Variants in NTM observed in about 807,000 individuals in gnomAD.
The protein encoded by NTM is neurotrimin, also known as IgLON family member 2.
Under a neutral mutation model 42.1 loss-of-function variants are expected in NTM, and 13 were observed. That is an observed-to-expected ratio of 0.31 (90% CI 0.20 to 0.49). The LOEUF (loss-of-function observed/expected upper bound fraction) is 0.49, where lower values mean the gene tolerates loss of function less well. NTM is among the 20% of genes least tolerant of loss of function. The pLI, the probability that NTM is intolerant of heterozygous loss-of-function variation, is 0.99. For missense variants in NTM, 373 were observed against 452.8 expected (o/e 0.82, Z 1.60); for synonymous variants, 187 against 179.2 (o/e 1.04, Z -0.35).
intron 2 of NTM, among the ~76,000 whole-genome samples, chr11:132,145,213 T>C (rs1247695786): frequency 6.6e-6 from 1 of 152,226 alleles, no homozygotes; most frequent in Non-Finnish European, 1.5e-5. Context: ...TTCAGAACCC[T>C]AGTGTCCTGA....
intron 2 of NTM, among the ~76,000 whole-genome samples, chr11:132,071,815 T>C (rs534920686): frequency 6.6e-6 from 1 of 152,264 alleles, no homozygotes; most frequent in Admixed American, 6.5e-5. Flanking sequence ...CGTTGTATTA[T>C]AAATGTAACT....
chr11:131,421,885 G>T (rs1947572898), intron 1 of NTM, among the ~76,000 whole-genome samples: 1 of 152,154 alleles, frequency 6.6e-6, no homozygotes, highest in Non-Finnish European at 1.5e-5. Context: ...TTGCTAATAA[G>T]GGTTGTGCCT....
intron 4 of NTM, among the ~76,000 whole-genome samples, chr11:132,271,262 CT>C (rs1417244999): frequency 6.6e-6 from 1 of 152,198 alleles, no homozygotes; most frequent in East Asian, 1.9e-4. Flanking sequence ...TAATATTACA[CT>C]GTATGGATCC....
chr11:132,176,214 C>T (rs1044504095), intron 3 of NTM, among the ~76,000 whole-genome samples: 4 of 152,250 alleles, frequency 2.6e-5, no homozygotes, highest in Admixed American at 6.5e-5. Flanking sequence ...ACACACAGCT[C>T]CTCATTCCAG....
At chr11:132,032,126 A>G (rs1390374800) in intron 2 of NTM, among the ~76,000 whole-genome samples, 3 of 151,982 alleles carry the variant, frequency 2.0e-5, no homozygotes, top group African/African-American at 4.8e-5. Flanking sequence ...CCACCACTCC[A>G]TCCCTCCGCC....
intron 3 of NTM, among the ~76,000 whole-genome samples, chr11:132,201,318 G>C (rs2081122129): frequency 6.6e-6 from 1 of 152,146 alleles, no homozygotes; most frequent in African/African-American, 2.4e-5. Flanking sequence ...AATGGAGTCT[G>C]GTATATGATA....
chr11:131,499,143 C>T (rs138730995), intron 1 of NTM, among the ~76,000 whole-genome samples: 5 of 152,156 alleles, frequency 3.3e-5, no homozygotes, highest in South Asian at 2.1e-4. Flanking sequence ...GTCCATAATT[C>T]GATAGGAAAA....
intron 4 of NTM, among the ~76,000 whole-genome samples, chr11:132,302,587 A>C (rs928636022): frequency 6.6e-6 from 1 of 152,140 alleles, no homozygotes; most frequent in Non-Finnish European, 1.5e-5. Flanking sequence ...GAAGTTAGTC[A>C]ATAAGAAGTT....
At chr11:131,626,518 G>A (rs1229243657) in intron 1 of NTM, among the ~76,000 whole-genome samples, 1 of 152,184 alleles carries the variant, frequency 6.6e-6, no homozygotes, top group Non-Finnish European at 1.5e-5. Context: ...CTCAGTTGCA[G>A]GCAAAGGATT....
intron 1 of NTM, among the ~76,000 whole-genome samples, chr11:131,611,040 G>A (rs1189276080): frequency 6.6e-6 from 1 of 152,130 alleles, no homozygotes; most frequent in Non-Finnish European, 1.5e-5. Flanking sequence ...GGGGAACCTG[G>A]ACTGAGGTGT....
chr11:131,664,595 C>T (rs947406732), intron 1 of NTM, among the ~76,000 whole-genome samples: 5 of 152,148 alleles, frequency 3.3e-5, no homozygotes, highest in South Asian at 2.1e-4. Context: ...CAAATGAACA[C>T]GCGCCATACG....
chr11:131,547,172 C>G (rs765060861), intron 1 of NTM, among the ~76,000 whole-genome samples: 3 of 152,210 alleles, frequency 2.0e-5, no homozygotes, highest in Non-Finnish European at 4.4e-5. Context: ...TACTATGTCT[C>G]ATTCACTGGG....
intron 4 of NTM, among the ~76,000 whole-genome samples, chr11:132,246,893 C>T (rs2139312117): frequency 1.3e-5 from 2 of 152,334 alleles, no homozygotes; most frequent in East Asian, 1.9e-4. Context: ...CCTCTCTAGC[C>T]CCAGGCTCAT....
rs905326354 is a variant in NTM at position 131,911,167 on chromosome 11, G to A, written c.83-397G>A. On this transcript the variant is annotated intron_variant, in intron 1 of 8. Transcript: ENST00000683400. ...TGGGAAGAAGCGGCTCCTGAGACGC[G>A]CCCACACCTTTCACCTGCCGCGCGC... The A allele has an allele frequency of 1.9e-5, 25 of 1,320,068 alleles. No homozygotes were observed. The South Asian group carries it at 2.5e-4, about 13-fold the overall frequency. The allele number at this position is 1,320,068 out of a possible 1,614,324, so 81.8% of individuals were successfully genotyped here.
chr11:131,790,673 C>T (rs1041030496), intron 1 of NTM, among the ~76,000 whole-genome samples: 2 of 152,120 alleles, frequency 1.3e-5, no homozygotes, highest in African/African-American at 4.8e-5. Context: ...CCTTAAGATT[C>T]CCCACTTTCT....
chr11:131,978,814 G>T (rs572379499), intron 2 of NTM, among the ~76,000 whole-genome samples: 1 of 152,286 alleles, frequency 6.6e-6, no homozygotes, highest in South Asian at 2.1e-4. Flanking sequence ...TAAAACTTCA[G>T]ATTTGAAATG....
intron 4 of NTM, among the ~76,000 whole-genome samples, chr11:132,304,912 AG>A (rs1473092573): frequency 2.0e-5 from 3 of 152,186 alleles, no homozygotes; most frequent in Non-Finnish European, 4.4e-5. Flanking sequence ...GGATGACTTG[AG>A]GAAAAATCTC....
At chr11:132,070,827 A>T (rs5027676) in intron 2 of NTM, among the ~76,000 whole-genome samples, 19 of 133,422 alleles carry the variant, frequency 1.4e-4, no homozygotes, top group African/African-American at 3.7e-4. Flanking sequence ...AACACGTCAC[A>T]CAGCCAAGTT....
chr11:131,786,349 G>T (rs1240712092), intron 1 of NTM, among the ~76,000 whole-genome samples: 2 of 152,158 alleles, frequency 1.3e-5, no homozygotes, highest in African/African-American at 4.8e-5. Context: ...CTGTGCATTG[G>T]GGTTATATCT....
Sources: allele counts gnomAD v4.1 joint callset (sites outside exome capture counted in the v4.1 genomes callset), GRCh38; gene constraint gnomAD v4.1.1; transcripts MANE v1.5; gene names NCBI Gene and HGNC (gene_info 2026-07-23, HGNC 2026-07-21).